The following CNTN6 variants were observed in gnomAD, a reference collection of about 807,000 sequenced individuals.
The protein encoded by CNTN6 is contactin 6.
In CNTN6, 137 loss-of-function variants were observed where a neutral mutation model predicts 122.8. The observed-to-expected ratio is 1.12, with a 90% CI of 0.97 to 1.29. CNTN6 has a LOEUF of 1.29. Among genes scored for constraint, CNTN6 ranks in the 50% most tolerant of loss-of-function variants. The pLI, the probability that CNTN6 is intolerant of heterozygous loss-of-function variation, is 0.00. For synonymous variants in CNTN6, 570 were observed against 426.0 expected (o/e 1.34, Z -4.16); for missense variants, 1,634 against 1,223.4 (o/e 1.34, Z -5.01).
At chr3:1,255,814 C>T (rs1041762623) in intron 4 of CNTN6, among the ~76,000 whole-genome samples, 1 of 152,066 alleles carries the variant, frequency 6.6e-6, no homozygotes, top group East Asian at 1.9e-4. Context: ...TAGCTGGGTC[C>T]ACAAGCTTGC....
chr3:1,387,730 C>A (rs535985846), intron 20 of CNTN6, among the ~76,000 whole-genome samples: 1 of 152,178 alleles, frequency 6.6e-6, no homozygotes, highest in African/African-American at 2.4e-5. Context: ...CGAAGCAGGG[C>A]GAGGCATTGC....
In CNTN6 at chr3:1,157,747, C is replaced by T. The variant is rs191163736; in HGVS notation, c.55+9684C>T. Reference sequence around the variant, plus strand: ...TTTACATCCCATAAGTAAGTGAGAACATGTGAAGTTTGTCTTTCTGTGCCT... The same window carrying T: ...TTTACATCCCATAAGTAAGTGAGAATATGTGAAGTTTGTCTTTCTGTGCCT... On this transcript the variant is annotated intron_variant, in intron 2 of 22. Transcript: ENST00000446702. Among the ~76,000 whole-genome samples the T allele has an allele frequency of 1.0e-3, 156 of 152,016 alleles. 1 individual carries two copies. The highest frequency in any genetic ancestry group is 3.5e-3 in the African/African-American group (146 of 41,494).
intron 5 of CNTN6, 115 bp from the exon 6 acceptor site, chr3:1,295,486 G>A (rs1696052761): frequency 1.3e-6 from 1 of 781,346 alleles, no homozygotes; most frequent in Non-Finnish European, 2.1e-6. Flanking sequence ...TGAGCAAATA[G>A]AGGCACAATT....
chr3:1,245,225 T>TAACATATATATATAA (rs1308618434), intron 4 of CNTN6, among the ~76,000 whole-genome samples: 1 of 17,244 alleles, frequency 5.8e-5, no homozygotes, highest in Non-Finnish European at 1.0e-4. Context: ...TATATATATA[T>TAACATATATATATAA]ATATATATAT....
At position 1,300,614 on chromosome 3, in the gene CNTN6, A is replaced by G. The variant is rs1421894597; in HGVS notation, c.761+2623A>G. 5.9e-5 allele frequency among the ~76,000 whole-genome samples: 9 copies of G among 151,668 alleles called. No individual in the cohort carries two copies. The East Asian group carries it at 1.7e-3, about 29-fold the overall frequency. ...GAAAGAAAGAAAGAAAGAGAGAAAG[A>G]AAGGAAGAAAAGGAGAGATAACATG... is the stretch of plus-strand genomic sequence containing the variant. On this transcript the variant is annotated intron_variant, in intron 7 of 22. Transcript: ENST00000446702.
intron 12 of CNTN6, among the ~76,000 whole-genome samples, chr3:1,368,779 C>T (rs546175898): frequency 6.6e-6 from 1 of 152,050 alleles, no homozygotes; most frequent in Non-Finnish European, 1.5e-5. Flanking sequence ...TGTATGTCAT[C>T]ACTCATCTAT....
chr3:1,296,190 G>C (rs998310200), intron 6 of CNTN6, among the ~76,000 whole-genome samples: 1 of 151,962 alleles, frequency 6.6e-6, no homozygotes, highest in Non-Finnish European at 1.5e-5. Flanking sequence ...ACTTTTTAAT[G>C]GCCCCTTTTT....
chr3:1,103,106 AAAAAAT>A (rs1328675896), intron 1 of CNTN6, among the ~76,000 whole-genome samples: 3 of 152,292 alleles, frequency 2.0e-5, no homozygotes, highest in African/African-American at 7.2e-5. Flanking sequence ...ACTCCGTCTC[AAAAAAT>A]AAAAATAAAA....
chr3:1,261,593 TC>T (rs1476905851), intron 4 of CNTN6, among the ~76,000 whole-genome samples: 1 of 152,074 alleles, frequency 6.6e-6, no homozygotes, highest in Non-Finnish European at 1.5e-5. Context: ...CTCAGAGCAT[TC>T]TCAGGCAGAG....
At chr3:1,358,861 AGGAGTTCAAGACCAT>A (rs1707031556) in intron 12 of CNTN6, among the ~76,000 whole-genome samples, 1 of 152,010 alleles carries the variant, frequency 6.6e-6, no homozygotes. Flanking sequence ...GCTTGAGACC[AGGAGTTCAAGACCAT>A]GGCAAGACCT....
rs576742591 is a variant in CNTN6, at chr3:1,189,158, C to T, written c.56-31529C>T. On this transcript the variant is annotated intron_variant, in intron 2 of 22. Coordinates refer to ENST00000446702, the MANE Select transcript of CNTN6 (RefSeq NM_001289080.2). ...GTAGGCCAGAAATTATAATTATATC[C>T]GCCTTACAATTTCAGAACAGCCATG... Among the ~76,000 whole-genome samples the T allele has an allele frequency of 2.7e-4, 41 of 152,204 alleles. 1 individual carries two copies. The highest frequency in any genetic ancestry group is 1.9e-4 in the East Asian group (1 of 5,172).
chr3:1,234,053 T>G (rs1020260374), intron 4 of CNTN6, among the ~76,000 whole-genome samples: 68 of 152,198 alleles, frequency 4.5e-4, no homozygotes, highest in African/African-American at 1.5e-3. Flanking sequence ...GCCATGCCAT[T>G]CATCTTTATT....
At chr3:1,401,754 A>C (rs1198231333) in intron 21 of CNTN6, among the ~76,000 whole-genome samples, 1 of 152,046 alleles carries the variant, frequency 6.6e-6, no homozygotes, top group Admixed American at 6.6e-5. Flanking sequence ...ACATCAATAA[A>C]TCAAATTCCA....
chr3:1,311,969 G>T (rs1421959105), intron 7 of CNTN6, among the ~76,000 whole-genome samples: 2 of 151,850 alleles, frequency 1.3e-5, no homozygotes, highest in Non-Finnish European at 2.9e-5. Context: ...GAATAATAAT[G>T]TAATGAATAT....
intron 17 of CNTN6, among the ~76,000 whole-genome samples, chr3:1,381,469 A>G (rs895945889): frequency 5.3e-5 from 8 of 152,092 alleles, no homozygotes; most frequent in African/African-American, 1.9e-4. Flanking sequence ...CTACATGGGA[A>G]GTAATGAGGA....
intron 7 of CNTN6, among the ~76,000 whole-genome samples, chr3:1,310,518 A>C (rs1699059451): frequency 6.6e-6 from 1 of 152,114 alleles, no homozygotes; most frequent in South Asian, 2.1e-4. Context: ...ACAATTTGCT[A>C]ATATTTGTTG....
intron 1 of CNTN6, among the ~76,000 whole-genome samples, chr3:1,129,355 T>C (rs1257835252): frequency 6.6e-6 from 1 of 152,032 alleles, no homozygotes; most frequent in Non-Finnish European, 1.5e-5. Flanking sequence ...TAATCCTCCA[T>C]TCCCAGGCGA....
intron 20 of CNTN6, among the ~76,000 whole-genome samples, chr3:1,388,815 A>G (rs1227027602): frequency 0.016 from 1,750 of 112,854 alleles, no homozygotes; most frequent in South Asian, 0.02. Context: ...GGGTATCAGC[A>G]ATGGAAGATG....
intron 12 of CNTN6, 41 bp from the exon 13 acceptor site, chr3:1,372,258 G>T (rs373321211): frequency 2.0e-6 from 3 of 1,482,186 alleles, no homozygotes; most frequent in Admixed American, 4.1e-5. Flanking sequence ...CCATAGGCTA[G>T]CATTTCATAA....
Sources: allele counts gnomAD v4.1 joint callset (sites outside exome capture counted in the v4.1 genomes callset), GRCh38; gene constraint gnomAD v4.1.1; transcripts MANE v1.5; gene names NCBI Gene and HGNC (gene_info 2026-07-23, HGNC 2026-07-21).